GMDS: variants seen among roughly 807,000 people sequenced by gnomAD.
GMDS encodes GDP-mannose 4,6-dehydratase, also known as GDP-mannose 4,6 dehydratase.
A neutral mutation model predicts 49.9 loss-of-function variants in GMDS; 20 were observed. That is an observed-to-expected ratio of 0.40 (90% CI 0.28 to 0.58). The LOEUF (loss-of-function observed/expected upper bound fraction) is 0.58, where lower values mean the gene tolerates loss of function less well. GMDS is among the 20% of genes least tolerant of loss of function. GMDS has a pLI of 0.42. For synonymous variants in GMDS, 177 were observed against 178.6 expected, an observed-to-expected ratio of 0.99 and a Z score of 0.07; for missense variants, 362 against 481.4, an observed-to-expected ratio of 0.75 and a Z score of 2.32.
intron 7 of GMDS, among the ~76,000 whole-genome samples, chr6:1,888,973 C>T (rs1268561732): frequency 6.6e-6 from 1 of 152,216 alleles, no homozygotes; most frequent in African/African-American, 2.4e-5. Context: ...AGGTGGGCCC[C>T]CATGGCCTTG....
intron 4 of GMDS, among the ~76,000 whole-genome samples, chr6:2,061,140 C>T (rs1273840558): frequency 6.6e-6 from 1 of 152,098 alleles, no homozygotes; most frequent in Non-Finnish European, 1.5e-5. Context: ...GCAAGAAGGC[C>T]AGTGTGGCTG....
chr6:2,170,092 A>T (rs895243933), intron 1 of GMDS, among the ~76,000 whole-genome samples: 4 of 151,912 alleles, frequency 2.6e-5, no homozygotes, highest in Non-Finnish European at 5.9e-5. Flanking sequence ...AATCCCAGCT[A>T]CTCGGGAGCC....
intron 9 of GMDS, among the ~76,000 whole-genome samples, chr6:1,639,157 GA>G (rs1763253180): frequency 2.0e-5 from 3 of 152,166 alleles, no homozygotes; most frequent in Non-Finnish European, 4.4e-5. Flanking sequence ...AGAGGAGCAG[GA>G]GCGGAGGAGA....
intron 7 of GMDS, among the ~76,000 whole-genome samples, chr6:1,887,325 G>A (rs1383615824): frequency 6.6e-6 from 1 of 152,094 alleles, no homozygotes; most frequent in Non-Finnish European, 1.5e-5. Context: ...ATCTTACAAA[G>A]ACTCCAGGTG....
Position 1,624,071 on chromosome 6 carries a change from C to T in GMDS, c.*98G>A, listed in dbSNP as rs1762769819. The stretch of plus-strand genomic sequence containing the variant: ...GCGGCAGCAGGGGCCGCAGGGGACC[C>T]GCAGATTGGCACGCCGCTCCCCATC... On this transcript the variant is annotated 3_prime_UTR_variant, in exon 11 of 11. Coordinates refer to ENST00000380815, the MANE Select transcript of GMDS (RefSeq NM_001500.4). The T allele has an allele frequency of 9.0e-7, 1 of 1,107,786 alleles. No homozygotes were observed. The highest frequency in any genetic ancestry group is 1.3e-6 in the Non-Finnish European group (1 of 756,474). The allele number at this position is 1,107,786 out of a possible 1,614,324, so 68.6% of individuals were successfully genotyped here.
intron 7 of GMDS, among the ~76,000 whole-genome samples, chr6:1,748,055 A>G (rs936004089): frequency 2.0e-5 from 3 of 152,194 alleles, no homozygotes; most frequent in African/African-American, 7.2e-5. Flanking sequence ...TATCAACACC[A>G]TATGTACTGA....
intron 1 of GMDS, among the ~76,000 whole-genome samples, chr6:2,131,815 T>C (rs1302959155): frequency 6.6e-6 from 1 of 150,936 alleles, no homozygotes; most frequent in Admixed American, 6.7e-5. Flanking sequence ...TTTTTTTTTT[T>C]CTTAACGTAA....
intron 1 of GMDS, among the ~76,000 whole-genome samples, chr6:2,154,414 C>A (rs184748683): frequency 2.0e-5 from 3 of 151,980 alleles, no homozygotes; most frequent in African/African-American, 7.2e-5. Context: ...TAATAATTTA[C>A]ATTAACTAAC....
intron 9 of GMDS, among the ~76,000 whole-genome samples, chr6:1,657,818 T>C (rs371785506): frequency 3.6e-5 from 5 of 138,126 alleles, no homozygotes; most frequent in African/African-American, 1.4e-4. Context: ...TTTTATTCTT[T>C]ACTCCTAAAA....
intron 1 of GMDS, among the ~76,000 whole-genome samples, chr6:2,199,890 G>A (rs1383466068): frequency 6.6e-6 from 1 of 152,142 alleles, no homozygotes; most frequent in Non-Finnish European, 1.5e-5. Flanking sequence ...ATAAATGAGT[G>A]AGAAGTCTAA....
chr6:1,906,547 C>T (rs971249041), intron 7 of GMDS, among the ~76,000 whole-genome samples: 3 of 152,220 alleles, frequency 2.0e-5, no homozygotes, highest in Admixed American at 2.0e-4. Flanking sequence ...CATGCACTCA[C>T]TGATTTTAGA....
Position 1,910,791 on chromosome 6 carries a change from T to C in GMDS, c.771+19312A>G, listed in dbSNP as rs3778549. 2.4e-4 allele frequency among the ~76,000 whole-genome samples: 37 copies of C among 152,298 alleles called. No homozygotes were observed. In the East Asian group the frequency reaches 2.5e-3, roughly 10 times the overall value. On this transcript the variant is annotated intron_variant, in intron 7 of 10. Transcript: ENST00000380815. ...TAGAGATAAATTCCACAAGTATATA[T>C]AGATTGTTAATAAAAACAAGTGGTG...
Position 1,944,530 on chromosome 6 carries a change from C to T in GMDS, c.644-14300G>A, listed in dbSNP as rs929488638. Reference sequence around the variant, plus strand: ...AAAAAATATATATATATTAGCCAGGCGTGGTGGCGGGCGCCTGTAGTCCCA... The same window carrying T: ...AAAAAATATATATATATTAGCCAGGTGTGGTGGCGGGCGCCTGTAGTCCCA... On this transcript the variant is annotated intron_variant, in intron 6 of 10. Transcript: ENST00000380815. Among the ~76,000 whole-genome samples the T allele has an allele frequency of 4.0e-5, 6 of 151,450 alleles. No homozygotes were observed. The East Asian group carries it at 7.8e-4, about 20-fold the overall frequency.
intron 4 of GMDS, among the ~76,000 whole-genome samples, chr6:1,978,566 C>A (rs1561941565): frequency 6.6e-6 from 1 of 152,192 alleles, no homozygotes; most frequent in Non-Finnish European, 1.5e-5. Flanking sequence ...GGCCTCCAGC[C>A]ACCCCCTCCC....
At chr6:1,708,814 A>C (rs75245299) in intron 9 of GMDS, among the ~76,000 whole-genome samples, 1,639 of 152,302 alleles carry the variant, frequency 0.011, 39 homozygotes, top group African/African-American at 0.038. Context: ...GCTGCATCTC[A>C]CAGCTTTGGG....
rs886279953 is a variant in GMDS at position 2,191,966 on chromosome 6, T to A, written c.102+53355A>T. The stretch of plus-strand genomic sequence containing the variant: ...TGCCCATGACCACCCATGGACCAAC[T>A]GGCACACACTTCCTCCACTCTGAGG... On this transcript the variant is annotated intron_variant, in intron 1 of 10. Transcript: ENST00000380815. This position sits in a 1 kb window ranked among gnomAD's most constrained non-coding sequence, Gnocchi z 4.6. Among the ~76,000 whole-genome samples, 2 of 152,228 alleles carry A rather than the reference T, an allele frequency of 1.3e-5. No homozygotes were observed. Among genetic ancestry groups the A allele is most frequent in the Middle Eastern group, 3.4e-3 (1 of 294 alleles).
rs1448314351 is a variant in GMDS at position 1,652,713 on chromosome 6, T to TAGAG, written c.988-28174_988-28173insCTCT. ...ATATAATATATTATATATATATATA[T>TAGAG]ATATATAGAGAGAGAGAGAGAGAGA... is the stretch of plus-strand genomic sequence containing the variant. On this transcript the variant is annotated intron_variant, in intron 9 of 10. Coordinates refer to ENST00000380815, the MANE Select transcript of GMDS (RefSeq NM_001500.4). Among the ~76,000 whole-genome samples the TAGAG allele has an allele frequency of 9.3e-5, 2 of 21,434 alleles. 1 individual carries two copies. The highest frequency in any genetic ancestry group is 3.0e-4 in the African/African-American group (2 of 6,586). The allele number at this position is 21,434 out of a possible 152,430, so 14.1% of individuals were successfully genotyped here.
chr6:2,091,156 G>C (rs558830893), intron 4 of GMDS, among the ~76,000 whole-genome samples: 1 of 152,322 alleles, frequency 6.6e-6, no homozygotes, highest in Non-Finnish European at 1.5e-5. Context: ...AGTGTGGTTT[G>C]AAATATCCTC....
intron 1 of GMDS, among the ~76,000 whole-genome samples, chr6:2,215,252 CAG>C (rs1189930173): frequency 1.3e-5 from 2 of 151,846 alleles, no homozygotes; most frequent in African/African-American, 4.8e-5. Flanking sequence ...GAAAAAGAGA[CAG>C]AGAGAGGATG....
Sources: gnomAD v4.1 joint callset for allele counts (sites outside exome capture counted in the v4.1 genomes callset) on GRCh38, gnomAD v4.1.1 for gene constraint, Gnocchi (gnomAD v3.1) non-coding constraint, MANE v1.5 for transcripts, NCBI Gene and HGNC (gene_info 2026-07-23, HGNC 2026-07-21) for gene names.